STAT2: variants seen among roughly 807,000 people sequenced by gnomAD.
STAT2 encodes the protein interferon alpha induced transcriptional activator.
Under a neutral mutation model 122.3 loss-of-function variants are expected in STAT2, and 51 were observed. That is an observed-to-expected ratio of 0.42 (90% CI 0.33 to 0.53). STAT2 has a LOEUF of 0.53. Ranked by LOEUF, STAT2 falls within the 20% of genes least tolerant of loss-of-function variation. The pLI, the probability that STAT2 is intolerant of heterozygous loss-of-function variation, is 0.10. For missense variants in STAT2, 736 were observed against 1,010.3 expected (o/e 0.73, Z 3.68); for synonymous variants, 351 against 394.9 (o/e 0.89, Z 1.32).
chr12:56,354,921 G>C, intron 6 of STAT2, 58 bp from the exon 7 acceptor site: 1 of 1,526,446 alleles, frequency 6.6e-7, no homozygotes, highest in Non-Finnish European at 9.1e-7. Context: ...CCTGACTGGG[G>C]TCTCAGTCAG....
At chr12:56,356,725 C>T in intron 1 of STAT2, 147 bp from the exon 2 acceptor site, 4 of 1,232,756 alleles carry the variant, frequency 3.2e-6, no homozygotes, top group Non-Finnish European at 4.4e-6. Context: ...TATGTTGATC[C>T]TACTGCTAAT....
chr12:56,351,693 T>C (rs1878514690), intron 8 of STAT2, among the ~76,000 whole-genome samples: 1 of 152,244 alleles, frequency 6.6e-6, no homozygotes, highest in Non-Finnish European at 1.5e-5. Context: ...ATATGCTATG[T>C]ACAACTTATA....
At chr12:56,357,024 GTATTTT>G (rs1879615531) in intron 1 of STAT2, among the ~76,000 whole-genome samples, 1 of 103,584 alleles carries the variant, frequency 9.7e-6, no homozygotes, top group Non-Finnish European at 1.9e-5. Flanking sequence ...TGCCTAATCT[GTATTTT>G]TTTTTTTTTT....
At chr12:56,345,240 C>G (rs1334284803) in intron 22 of STAT2, among the ~76,000 whole-genome samples, 1 of 149,044 alleles carries the variant, frequency 6.7e-6, no homozygotes, top group East Asian at 2.0e-4. Flanking sequence ...CCTACAATCC[C>G]GGCAATTTGG....
Position 56,348,111 on chromosome 12 carries a change from C to T in STAT2, c.1724+418G>A, listed in dbSNP as rs534836864. Reference sequence around the variant, plus strand: ...TGTTTTTTTTTTTTTTTTTTTGAGACGGAGTCTTGCTCGTCACCCAGGCTG... The same window carrying T: ...TGTTTTTTTTTTTTTTTTTTTGAGATGGAGTCTTGCTCGTCACCCAGGCTG... On this transcript the variant is annotated intron_variant, in intron 19 of 23. Transcript: ENST00000314128. Among the ~76,000 whole-genome samples, 6 of 120,070 alleles carry T rather than the reference C, an allele frequency of 5.0e-5. No individual in the cohort carries two copies. The East Asian group carries it at 8.0e-4, about 16-fold the overall frequency. The allele number at this position is 120,070 out of a possible 152,430, so 78.8% of individuals were successfully genotyped here.
At position 56,349,214 on chromosome 12, in the gene STAT2, TG is replaced by T; in HGVS notation, c.1388del (p.Ser463Ter). On this transcript the variant is annotated frameshift_variant, in exon 16 of 24. Coordinates refer to ENST00000314128, the MANE Select transcript of STAT2 (RefSeq NM_005419.4). LOFTEE classifies it high-confidence loss of function. Reference sequence around the variant, plus strand: ...ACCAGAGAACTGAAGCCCAGGCAATTGAGAGCTGGTTCATGTTGGAAATAAT... The same window carrying T: ...ACCAGAGAACTGAAGCCCAGGCAATTAGAGCTGGTTCATGTTGGAAATAAT... ...VVIISNMNQL[S>X]IAWASVLWFN... The T allele has an allele frequency of 6.2e-7, 1 of 1,614,080 alleles. No individual in the cohort carries two copies. Among genetic ancestry groups the T allele is most frequent in the African/African-American group, 1.3e-5 (1 of 74,994 alleles).
chr12:56,344,594 G>A (rs183037708), intron 22 of STAT2, among the ~76,000 whole-genome samples: 1 of 152,250 alleles, frequency 6.6e-6, no homozygotes, highest in Non-Finnish European at 1.5e-5. Context: ...TCTCAGGCCA[G>A]GCATGGTGGC....
rs1433971722 is a variant in STAT2 at position 56,350,163 on chromosome 12, T to C, written c.1143A>G (p.Ser381=). The C allele has an allele frequency of 6.2e-7, 1 of 1,611,894 alleles. No homozygotes were observed. The highest frequency in any genetic ancestry group is 8.5e-7 in the Non-Finnish European group (1 of 1,179,454). ...TCTCGGGGGTCAAAGTTTTCTGGTT[T>C]GAAGTCAGAATGTTGAACTTCCGGA... ...QGFRKFNILT[S]NQKTLTPEKG... is the part of the protein sequence containing the mutation. The change falls in exon 13 of 24, where the codon TCA becomes TCG. Residue 381 remains serine (S), a synonymous_variant. Coordinates refer to ENST00000314128, the MANE Select transcript of STAT2 (RefSeq NM_005419.4).
At chr12:56,352,906 A>G (rs1326908592) in intron 8 of STAT2, among the ~76,000 whole-genome samples, 4 of 151,938 alleles carry the variant, frequency 2.6e-5, no homozygotes, top group Non-Finnish European at 2.9e-5. Context: ...TGCAGCCTCC[A>G]ACACCTGGGC....
intron 4 of STAT2, 47 bp from the exon 5 acceptor site, chr12:56,355,579 C>CT: frequency 6.2e-7 from 1 of 1,610,778 alleles, no homozygotes; most frequent in Admixed American, 1.7e-5. Context: ...CCTTTCATGC[C>CT]TTAAGTTCAG....
intron 1 of STAT2, among the ~76,000 whole-genome samples, chr12:56,359,664 C>A (rs1435028095): frequency 6.6e-6 from 1 of 152,176 alleles, no homozygotes; most frequent in Non-Finnish European, 1.5e-5. Flanking sequence ...GCAATCGTTT[C>A]ATCTTTCAGT....
In STAT2 at chr12:56,348,976, A is replaced by T; in HGVS notation, c.1524T>A (p.Val508=). The change falls in exon 17 of 24, where the codon GTT becomes GTA. Residue 508 remains valine (V), a synonymous_variant. Transcript: ENST00000314128. ...PALSWQFSSY[V]GRGLNSDQLS... is the part of the protein sequence containing the mutation. ...GCTGGTCTGAGTTGAGGCCTCGGCC[A>T]ACATAGGAGGAGAACTGCCAACTGA... 6.2e-7 allele frequency: 1 copy of T among 1,613,992 alleles called. No individual in the cohort carries two copies. The highest frequency in any genetic ancestry group is 8.5e-7 in the Non-Finnish European group (1 of 1,179,982).
chr12:56,352,302 A>C (rs2136069291), intron 8 of STAT2: 1 of 151,022 alleles, frequency 6.6e-6, no homozygotes, highest in East Asian at 2.0e-4. Flanking sequence ...ACACATGAGA[A>C]AATAGATTCG....
At chr12:56,356,349 A>C (rs1879507544) in intron 2 of STAT2, 64 bp from the exon 3 acceptor site, 2 of 1,605,214 alleles carry the variant, frequency 1.2e-6, no homozygotes, top group African/African-American at 2.7e-5. Context: ...GAGGCTTTCC[A>C]ACCCCTTCCT....
intron 22 of STAT2, among the ~76,000 whole-genome samples, chr12:56,344,572 C>A (rs187139181): frequency 1.3e-5 from 2 of 152,246 alleles, no homozygotes; most frequent in Admixed American, 1.3e-4. Flanking sequence ...TAGTGCCTGG[C>A]GCATAATAAA....
At chr12:56,354,980 G>T in intron 6 of STAT2, 117 bp from the exon 7 acceptor site, 1 of 1,116,836 alleles carries the variant, frequency 9.0e-7, no homozygotes, top group Non-Finnish European at 1.3e-6. Flanking sequence ...ACCAAGCAAA[G>T]CACAGGCACC....
At chr12:56,345,524 A>AAAAAAATATATATATATATATATATAT (rs1555169410) in intron 22 of STAT2, among the ~76,000 whole-genome samples, 3 of 26,238 alleles carry the variant, frequency 1.1e-4, no homozygotes, top group Admixed American at 5.4e-4. Flanking sequence ...AAAAAAAAAA[A>AAAAAAATATATATATATATATATATAT]ATATATATAT....
intron 11 of STAT2, 135 bp downstream of exon 11, chr12:56,350,694 G>T (rs1878325170): frequency 1.7e-5 from 18 of 1,036,492 alleles, no homozygotes; most frequent in Non-Finnish European, 2.5e-5. Context: ...TTCAACAAAA[G>T]AAATGAATTA....
Position 56,349,700 on chromosome 12 carries a change from G to C in STAT2, c.1210-64C>G. On this transcript the variant is annotated intron_variant, in intron 13 of 23. Transcript: ENST00000314128. ...GCACCCTAGTGTCCCTGGAACCCCT[G>C]TTTGGCTTCAAGACCTCTCAAGCCC... The C allele has an allele frequency of 2.5e-6, 4 of 1,609,506 alleles. No homozygotes were observed. In the South Asian group the frequency reaches 4.4e-5, roughly 18 times the overall value.
Sources: gnomAD v4.1 joint callset for allele counts (sites outside exome capture counted in the v4.1 genomes callset) on GRCh38, gnomAD v4.1.1 for gene constraint, MANE v1.5 for transcripts, NCBI Gene and HGNC (gene_info 2026-07-23, HGNC 2026-07-21) for gene names.